Variants in ACAD9 observed in about 807,000 individuals in gnomAD.
ACAD9 encodes the protein complex I assembly factor ACAD9, mitochondrial.
Under a neutral mutation model 70.2 loss-of-function variants are expected in ACAD9, and 53 were observed. The observed-to-expected ratio is 0.75, with a 90% CI of 0.61 to 0.95. ACAD9 has a LOEUF of 0.95. Ranked by LOEUF, ACAD9 falls within the 40% of genes least tolerant of loss-of-function variation. The pLI is 0.00. For missense variants in ACAD9, 777 were observed against 802.8 expected, an observed-to-expected ratio of 0.97 and a Z score of 0.39; for synonymous variants, 313 against 312.1, an observed-to-expected ratio of 1.00 and a Z score of -0.03.
intron 17 of ACAD9, 93 bp from the exon 18 acceptor site, chr3:128,912,414 G>A (rs1208092200): frequency 8.9e-7 from 1 of 1,125,022 alleles, no homozygotes; most frequent in Non-Finnish European, 1.3e-6. Context: ...ATGGTGGGTG[G>A]GCTGACTTTG....
intron 16 of ACAD9, 197 bp downstream of exon 16, chr3:128,910,346 G>C: frequency 6.8e-7 from 1 of 1,470,136 alleles, no homozygotes; most frequent in Non-Finnish European, 9.0e-7. Flanking sequence ...GAGAGAAGAG[G>C]GGGTGAGTGA....
At chr3:128,895,116 A>G (rs1278653320) in intron 3 of ACAD9, among the ~76,000 whole-genome samples, 194 bp from the exon 4 acceptor site, 1 of 150,986 alleles carries the variant, frequency 6.6e-6, no homozygotes, top group Non-Finnish European at 1.5e-5. Context: ...ACCTCAGGTG[A>G]TCTGCCTGCC....
intron 8 of ACAD9, 29 bp downstream of exon 8, chr3:128,901,378 C>T (rs1935735070): frequency 1.9e-6 from 3 of 1,612,598 alleles, no homozygotes; most frequent in Admixed American, 1.7e-5. Flanking sequence ...CCCCTTGTAC[C>T]AGGTAGTGTC....
At chr3:128,911,652 A>G (rs1395670993) in intron 17 of ACAD9, among the ~76,000 whole-genome samples, 1 of 149,334 alleles carries the variant, frequency 6.7e-6, no homozygotes. Context: ...ATGTTGGCCA[A>G]GCTGGTCTCC....
chr3:128,900,982 C>A (rs1935720723), intron 7 of ACAD9, among the ~76,000 whole-genome samples: 1 of 152,138 alleles, frequency 6.6e-6, no homozygotes, highest in Non-Finnish European at 1.5e-5. Flanking sequence ...CTGACATAGT[C>A]CTTAATAAAA....
intron 2 of ACAD9, among the ~76,000 whole-genome samples, chr3:128,886,307 T>G (rs765865373): frequency 4.3e-4 from 65 of 151,786 alleles, no homozygotes; most frequent in Admixed American, 3.0e-3. Flanking sequence ...TTCACTATGT[T>G]GGCCAGGTTG....
chr3:128,907,539 T>C (rs747008981), intron 12 of ACAD9, among the ~76,000 whole-genome samples: 3 of 152,080 alleles, frequency 2.0e-5, no homozygotes, highest in Non-Finnish European at 4.4e-5. Flanking sequence ...CAGTCCCCCC[T>C]TTTCCTGTAG....
In ACAD9 at chr3:128,884,721, C is replaced by T. The variant is rs745405919; in HGVS notation, c.219C>T (p.Pro73=). 1.3e-5 allele frequency: 21 copies of T among 1,613,296 alleles called. No homozygotes were observed. Among genetic ancestry groups the T allele is most frequent in the South Asian group, 4.4e-5 (4 of 91,034 alleles). The change falls in exon 2 of 18, where the codon CCC becomes CCT. Residue 73 remains proline, a synonymous_variant. Coordinates refer to ENST00000308982, the MANE Select transcript of ACAD9 (RefSeq NM_014049.5). Reference sequence around the variant, plus strand: ...ATGAAATCAATCAGTTCTTGGGACCCGTGGAAAAATTCTTCACTGAAGAGG... The same window carrying T: ...ATGAAATCAATCAGTTCTTGGGACCTGTGGAAAAATTCTTCACTGAAGAGG... ...ELNEINQFLG[P]VEKFFTEEVD...
rs750934273 is a variant in ACAD9, at chr3:128,896,431, T to C, written c.454-5T>C. 2 of 1,614,064 alleles carry C rather than the reference T, an allele frequency of 1.2e-6. No homozygotes were observed. The highest frequency in any genetic ancestry group is 1.7e-6 in the Non-Finnish European group (2 of 1,179,892). ...CTGACATTAGTCTGTGTCTGTTTTG[T>C]TTAGGGGATCATCTTGGCTGGCACT... On this transcript the variant is annotated splice_polypyrimidine_tract_variant and splice_region_variant and intron_variant, in intron 4 of 17. Transcript: ENST00000308982.
At chr3:128,903,148 G>T (rs1935789851) in intron 9 of ACAD9, among the ~76,000 whole-genome samples, 1 of 152,214 alleles carries the variant, frequency 6.6e-6, no homozygotes, top group African/African-American at 2.4e-5. Flanking sequence ...TCCTTTGCCA[G>T]TGAACTTAGA....
rs749728458 is a variant in ACAD9 at position 128,880,025 on chromosome 3, A to G, written c.150+184A>G. 3.9e-6 allele frequency: 6 copies of G among 1,542,712 alleles called. No homozygotes were observed. In the South Asian group the frequency reaches 7.2e-5, roughly 19 times the overall value. On this transcript the variant is annotated intron_variant, in intron 1 of 17. Coordinates refer to ENST00000308982, the MANE Select transcript of ACAD9 (RefSeq NM_014049.5). ...AACCTTCCCAGAGAAAGGGTGAGAC[A>G]TTTCCAAGACGGGGGACCCTTGGAA...
chr3:128,891,164 G>T (rs1305396245), intron 2 of ACAD9, among the ~76,000 whole-genome samples: 2 of 152,120 alleles, frequency 1.3e-5, no homozygotes, highest in Non-Finnish European at 2.9e-5. Flanking sequence ...AGGAAAAAAG[G>T]ATCTTGTAGT....
At position 128,912,816 on chromosome 3, in the gene ACAD9, T is replaced by A. The variant is rs1354911252; in HGVS notation, c.*209T>A. On this transcript the variant is annotated 3_prime_UTR_variant, in exon 18 of 18. Transcript: ENST00000308982. ...GCTCTCTAACAGGACCATCACAGCT[T>A]CTGAACTGAGCCGGAGAGAGAGAAT... 1.4e-6 allele frequency: 1 copy of A among 717,178 alleles called. No homozygotes were observed. The highest frequency in any genetic ancestry group is 1.4e-5 in the South Asian group (1 of 73,314). 44.4% of individuals were successfully genotyped at this position (717,178 alleles called of 1,614,324 possible).
At chr3:128,907,719 G>A (rs1935935255) in intron 12 of ACAD9, among the ~76,000 whole-genome samples, 1 of 152,226 alleles carries the variant, frequency 6.6e-6, no homozygotes, top group Non-Finnish European at 1.5e-5. Flanking sequence ...TTGGGGGAGT[G>A]GGGAGCATGT....
Position 128,912,532 on chromosome 3 carries a change from G to GAT in ACAD9, c.1792_1793dup (p.Lys599LeufsTer59). On this transcript the variant is annotated frameshift_variant, in exon 18 of 18. Coordinates refer to ENST00000308982, the MANE Select transcript of ACAD9 (RefSeq NM_014049.5). LOFTEE classifies it high-confidence loss of function. Reference sequence around the variant, plus strand: ...ATGCTCCAGAAAACCTAGATGAGCAGATTAAGAAAGTGTCCCAGCAGATCC... The same window carrying GAT: ...ATGCTCCAGAAAACCTAGATGAGCAGATATTAAGAAAGTGTCCCAGCAGATCC... 1 of 1,613,720 alleles carries GAT rather than the reference G, an allele frequency of 6.2e-7. No individual in the cohort carries two copies. The highest frequency in any genetic ancestry group is 1.3e-5 in the African/African-American group (1 of 75,048).
At chr3:128,908,916 T>C in intron 13 of ACAD9, 57 bp from the exon 14 acceptor site, 2 of 1,613,442 alleles carry the variant, frequency 1.2e-6, no homozygotes, top group Non-Finnish European at 1.7e-6. Context: ...GCCATGTTGC[T>C]GGACAGTGAG....
chr3:128,891,761 C>T (rs1172408097), intron 2 of ACAD9, among the ~76,000 whole-genome samples: 10 of 152,210 alleles, frequency 6.6e-5, no homozygotes, highest in Admixed American at 5.9e-4. Flanking sequence ...TGCTTCCATT[C>T]TTTGTTCCTT....
chr3:128,910,318 CCTTT>C (rs1241442797), intron 16 of ACAD9, 169 bp downstream of exon 16: 4 of 1,481,100 alleles, frequency 2.7e-6, no homozygotes, highest in East Asian at 2.5e-5. Flanking sequence ...GGGGCTGTTC[CCTTT>C]CTTCTTCCTG....
In ACAD9 at chr3:128,912,995, A is replaced by C; in HGVS notation, c.*388A>C. 2.2e-6 allele frequency: 1 copy of C among 464,190 alleles called. No individual in the cohort carries two copies. Among genetic ancestry groups the C allele is most frequent in the Non-Finnish European group, 4.3e-6 (1 of 233,436 alleles). The allele number at this position is 464,190 out of a possible 1,614,324, so 28.8% of individuals were successfully genotyped here. ...ATTTCTGCTCAACCACACATTCTCT[A>C]AGAAACAGCTTGAAAGCTCTGTCTG... On this transcript the variant is annotated 3_prime_UTR_variant, in exon 18 of 18. Coordinates refer to ENST00000308982, the MANE Select transcript of ACAD9 (RefSeq NM_014049.5).
Sources: allele counts gnomAD v4.1 joint callset (sites outside exome capture counted in the v4.1 genomes callset), GRCh38; gene constraint gnomAD v4.1.1; transcripts MANE v1.5; gene names NCBI Gene and HGNC (gene_info 2026-07-23, HGNC 2026-07-21).